The following RFX2 variants were observed in gnomAD, a reference collection of about 807,000 sequenced individuals.
RFX2 encodes DNA-binding protein RFX2.
In RFX2, 20 loss-of-function variants were observed where a neutral mutation model predicts 87.8. The ratio of observed to expected loss-of-function variants is 0.23; its 90% CI spans 0.16 to 0.33. RFX2 has a LOEUF of 0.33. Ranked by LOEUF, RFX2 falls within the 10% of genes least tolerant of loss-of-function variation. The pLI is 1.00. For missense variants in RFX2, 767 were observed against 1,012.3 expected (o/e 0.76, Z 3.29); for synonymous variants, 397 against 431.3 (o/e 0.92, Z 0.98).
Position 6,072,847 on chromosome 19 carries a change from A to G in RFX2, c.-8-25343T>C, listed in dbSNP as rs2087629040. 2.3e-6 allele frequency: 3 copies of G among 1,298,954 alleles called. No homozygotes were observed. In the Admixed American group the frequency reaches 5.1e-5, roughly 22 times the overall value. 80.5% of individuals were successfully genotyped at this position (1,298,954 alleles called of 1,614,324 possible). A position where few individuals can be genotyped will look rare whatever the true frequency, so the allele number is the denominator to read the frequency against. On this transcript the variant is annotated intron_variant, in intron 1 of 17. Coordinates refer to ENST00000303657, the MANE Select transcript of RFX2 (RefSeq NM_000635.4). ...CATGGCCGCCCTCAGACCCCTCGTG[A>G]AGCCCAAGATCGTCAAAAAGAGAAC...
chr19:6,076,499 G>A (rs1273602043), intron 1 of RFX2, among the ~76,000 whole-genome samples: 5 of 152,146 alleles, frequency 3.3e-5, no homozygotes, highest in Non-Finnish European at 7.3e-5. Flanking sequence ...TTTCTAGCTG[G>A]GTGACCTCAG....
intron 10 of RFX2, 74 bp downstream of exon 10, chr19:6,008,032 G>GT (rs2086607458): frequency 1.8e-5 from 20 of 1,133,246 alleles, no homozygotes; most frequent in African/African-American, 3.1e-5. Context: ...CGTCACCCGG[G>GT]GACGCCTGGC....
intron 1 of RFX2, chr19:6,073,353 G>A (rs901495017): frequency 5.9e-6 from 8 of 1,347,938 alleles, no homozygotes; most frequent in Admixed American, 1.7e-5. Context: ...AGTGGCTTCC[G>A]GAAGTTCCTG....
At chr19:6,009,385 G>A (rs749446526) in intron 9 of RFX2, among the ~76,000 whole-genome samples, 1 of 152,046 alleles carries the variant, frequency 6.6e-6, no homozygotes, top group Non-Finnish European at 1.5e-5. Context: ...GGCCTTCCCG[G>A]GGCAGAGATG....
rs2088122701 is a variant in RFX2, at chr19:6,101,262, A to C, written c.-9+9131T>G. On this transcript the variant is annotated intron_variant, in intron 1 of 17. Coordinates refer to ENST00000303657, the MANE Select transcript of RFX2 (RefSeq NM_000635.4). This position sits in a 1 kb window ranked among gnomAD's most constrained non-coding sequence, Gnocchi z 4.9. ...TCAAGAAAACGAATAATTCCTTTTA[A>C]AATCAGAAGCACATCTTTTAGTCTG... 6.6e-6 allele frequency among the ~76,000 whole-genome samples: 1 copy of C among 152,208 alleles called. No individual in the cohort carries two copies. The highest frequency in any genetic ancestry group is 2.4e-5 in the African/African-American group (1 of 41,450).
intron 1 of RFX2, among the ~76,000 whole-genome samples, chr19:6,058,744 G>T (rs963987888): frequency 6.6e-6 from 1 of 152,108 alleles, no homozygotes; most frequent in Non-Finnish European, 1.5e-5. Context: ...CTTCTCAGGA[G>T]CCAAACTTTC....
rs1213379247 is a variant in RFX2, at chr19:6,016,596, G to GC, written c.598-326dup. ...AGTAGAGACGGGGTTTCACCATGTT[G>GC]CCCAGGCTGGTCTCAAACTACTGAC... On this transcript the variant is annotated intron_variant, in intron 6 of 17. Coordinates refer to ENST00000303657, the MANE Select transcript of RFX2 (RefSeq NM_000635.4). The surrounding 1 kb of genome is among the most constrained non-coding windows in gnomAD (Gnocchi z 5.4). 5.3e-5 allele frequency among the ~76,000 whole-genome samples: 8 copies of GC among 152,102 alleles called. No homozygotes were observed. The highest frequency in any genetic ancestry group is 1.2e-4 in the Non-Finnish European group (8 of 68,022).
Position 6,079,670 on chromosome 19 carries a change from G to A in RFX2, c.-9+30723C>T, listed in dbSNP as rs540195941. ...TGGAAGGCTGAGGTGGGTGGATCACGAGGTCAGGAGATCGAGACCATCCTG... is the reference window on the plus strand; with the variant it reads ...TGGAAGGCTGAGGTGGGTGGATCACAAGGTCAGGAGATCGAGACCATCCTG... On this transcript the variant is annotated intron_variant, in intron 1 of 17. Transcript: ENST00000303657. 5.3e-5 allele frequency among the ~76,000 whole-genome samples: 8 copies of A among 152,120 alleles called. No homozygotes were observed. The South Asian group carries it at 1.5e-3, about 28-fold the overall frequency.
At chr19:6,005,172 C>A (rs532870672) in intron 12 of RFX2, among the ~76,000 whole-genome samples, 1 of 152,306 alleles carries the variant, frequency 6.6e-6, no homozygotes, top group South Asian at 2.1e-4. Context: ...CCCACCATAA[C>A]ATAGAAACTC....
intron 1 of RFX2, among the ~76,000 whole-genome samples, chr19:6,077,630 C>G (rs550999350): frequency 6.6e-6 from 1 of 152,298 alleles, no homozygotes; most frequent in East Asian, 1.9e-4. Context: ...TTCACAGCAG[C>G]GTTGTCCTAA....
chr19:6,107,043 C>T lies in RFX2; in HGVS notation c.-9+3350G>A, dbSNP rs1404767225. On this transcript the variant is annotated intron_variant, in intron 1 of 17. Transcript: ENST00000303657. The stretch of plus-strand genomic sequence containing the variant: ...GGGCGCGGTGGCTCACGCCTATAAT[C>T]CCAGCACTTTGGGAGGCCAAGGTGG... 2.0e-5 allele frequency among the ~76,000 whole-genome samples: 3 copies of T among 151,918 alleles called. No individual in the cohort carries two copies. In the East Asian group the frequency reaches 5.8e-4, roughly 29 times the overall value.
chr19:6,100,839 G>T (rs1423512957), intron 1 of RFX2, among the ~76,000 whole-genome samples: 5 of 151,596 alleles, frequency 3.3e-5, no homozygotes, highest in African/African-American at 4.9e-5. Context: ...TGATTTAATT[G>T]AATTAATTAA....
intron 1 of RFX2, among the ~76,000 whole-genome samples, chr19:6,079,884 C>CAAA (rs1160044956): frequency 3.9e-5 from 3 of 76,618 alleles, no homozygotes; most frequent in African/African-American, 1.1e-4. Flanking sequence ...GACTCTGTCT[C>CAAA]AAAAAAAAAA....
At chr19:6,060,580 T>A (rs2087413696) in intron 1 of RFX2, among the ~76,000 whole-genome samples, 1 of 152,166 alleles carries the variant, frequency 6.6e-6, no homozygotes, top group Non-Finnish European at 1.5e-5. Flanking sequence ...AAGTCCAGAC[T>A]CTCAGGAGGG....
At chr19:6,099,826 C>T (rs546955460) in intron 1 of RFX2, among the ~76,000 whole-genome samples, 3 of 152,310 alleles carry the variant, frequency 2.0e-5, no homozygotes, top group Admixed American at 1.3e-4. Flanking sequence ...CAGCCCCCAG[C>T]TGGGAGGCAA....
Position 5,994,915 on chromosome 19 carries a change from C to T in RFX2, c.2092G>A (p.Gly698Ser). The T allele has an allele frequency of 6.2e-7, 1 of 1,609,122 alleles. No individual in the cohort carries two copies. The highest frequency in any genetic ancestry group is 8.5e-7 in the Non-Finnish European group (1 of 1,179,848). The change falls in exon 18 of 18, where the codon GGC (glycine) becomes AGC (serine). Residue 698 changes from glycine to serine, a missense_variant. Gly to Ser is a moderately conservative substitution (Grantham distance 56). Transcript: ENST00000303657. ...TCACCCAGGCTGCGGGCGTCTGGGC[C>T]CGCCTCGCTGCCACGCTGCTCATCG... is the stretch of plus-strand genomic sequence containing the variant. Reference protein sequence around the residue: ...MGDEQRGSEAGPDARSLGEPL... With the variant: ...MGDEQRGSEASPDARSLGEPL...
intron 5 of RFX2, among the ~76,000 whole-genome samples, chr19:6,028,153 T>A (rs1218657315): frequency 6.6e-6 from 1 of 150,926 alleles, no homozygotes; most frequent in Admixed American, 6.6e-5. Flanking sequence ...CATTAAAAAA[T>A]AATAAACCCA....
chr19:6,012,834 C>T lies in RFX2; in HGVS notation c.899+152G>A, dbSNP rs2086677355. On this transcript the variant is annotated intron_variant, in intron 8 of 17. Transcript: ENST00000303657. The surrounding 1 kb of genome is among the most constrained non-coding windows in gnomAD (Gnocchi z 4.6). ...CCAGCCTCCTGTGTCTCCTGCTAGA[C>T]TCACCTCAGTCTCAGCAGAGGGGGA... is the stretch of plus-strand genomic sequence containing the variant. 3 of 698,192 alleles carry T rather than the reference C, an allele frequency of 4.3e-6. No homozygotes were observed. Among genetic ancestry groups the T allele is most frequent in the Admixed American group, 6.2e-5 (2 of 32,182 alleles). The allele number at this position is 698,192 out of a possible 1,614,324, so 43.2% of individuals were successfully genotyped here.
intron 1 of RFX2, among the ~76,000 whole-genome samples, chr19:6,070,453 A>T (rs1381124629): frequency 2.6e-5 from 4 of 152,014 alleles, no homozygotes; most frequent in Non-Finnish European, 5.9e-5. Flanking sequence ...GCCAGCCTCA[A>T]TAGCTGGCTG....
Sources: gnomAD v4.1 joint callset for allele counts (sites outside exome capture counted in the v4.1 genomes callset) on GRCh38, gnomAD v4.1.1 for gene constraint, Gnocchi (gnomAD v3.1) non-coding constraint, MANE v1.5 for transcripts, NCBI Gene and HGNC (gene_info 2026-07-23, HGNC 2026-07-21) for gene names.